Variants in ATXN7L1 observed in about 807,000 individuals in gnomAD.
ATXN7L1 encodes the protein ataxin-7-like protein 1.
Under a neutral mutation model 70.8 loss-of-function variants are expected in ATXN7L1, and 15 were observed. The ratio of observed to expected loss-of-function variants is 0.21; its 90% CI spans 0.14 to 0.33. The LOEUF (loss-of-function observed/expected upper bound fraction) is 0.33, where lower values mean the gene tolerates loss of function less well. ATXN7L1 is among the 10% of genes least tolerant of loss of function. The pLI, the probability that ATXN7L1 is intolerant of heterozygous loss-of-function variation, is 1.00. For synonymous variants in ATXN7L1, 440 were observed against 445.1 expected (o/e 0.99, Z 0.14); for missense variants, 975 against 1,097.1 (o/e 0.89, Z 1.57).
At chr7:105,615,539 C>A (rs1793758280) in intron 9 of ATXN7L1, among the ~76,000 whole-genome samples, 1 of 152,178 alleles carries the variant, frequency 6.6e-6, no homozygotes, top group African/African-American at 2.4e-5. Context: ...TTGCCCATTC[C>A]CAGGACTAGC....
chr7:105,673,447 A>T (rs1418220455), intron 3 of ATXN7L1, among the ~76,000 whole-genome samples: 2 of 152,208 alleles, frequency 1.3e-5, no homozygotes, highest in Admixed American at 1.3e-4. Flanking sequence ...TTGTGTAAGC[A>T]CACTTGGGCT....
intron 3 of ATXN7L1, among the ~76,000 whole-genome samples, chr7:105,673,428 C>G (rs1465123102): frequency 6.6e-6 from 1 of 152,224 alleles, no homozygotes; most frequent in Non-Finnish European, 1.5e-5. Flanking sequence ...CGCTTGTGGC[C>G]TGCCATGGTT....
rs148130628 is a variant in ATXN7L1, at chr7:105,784,449, C to A, written c.355+4155G>T. ...CTGACTGGCTAAACACACACACACA[C>A]ACACACACACTTTTTTCAATTTAAG... On this transcript the variant is annotated intron_variant, in intron 3 of 11. Transcript: ENST00000419735. 7.2e-5 allele frequency among the ~76,000 whole-genome samples: 11 copies of A among 152,108 alleles called. No homozygotes were observed. The East Asian group carries it at 2.1e-3, about 29-fold the overall frequency.
intron 2 of ATXN7L1, among the ~76,000 whole-genome samples, chr7:105,854,732 C>G (rs1374448896): frequency 6.6e-6 from 1 of 152,144 alleles, no homozygotes; most frequent in Non-Finnish European, 1.5e-5. Context: ...AAAGCTGAAG[C>G]CCTCAAAGCT....
Position 105,648,239 on chromosome 7 carries a change from GAGA to G in ATXN7L1, c.579-5121_579-5119del, listed in dbSNP as rs1355120818. On this transcript the variant is annotated intron_variant, in intron 4 of 11. Coordinates refer to ENST00000419735, the MANE Select transcript of ATXN7L1 (RefSeq NM_020725.2). ...TGGAGAAGGGCTTAGAAGAGTGAAG[GAGA>G]AGAACCTAGAGCTGTCCCTGATACT... 4.2e-5 allele frequency among the ~76,000 whole-genome samples: 6 copies of G among 141,380 alleles called. No homozygotes were observed. In the East Asian group the frequency reaches 1.9e-3, roughly 45 times the overall value. 92.8% of individuals were successfully genotyped at this position (141,380 alleles called of 152,430 possible).
At chr7:105,798,515 C>T (rs1806322787) in intron 2 of ATXN7L1, among the ~76,000 whole-genome samples, 1 of 152,206 alleles carries the variant, frequency 6.6e-6, no homozygotes, top group Non-Finnish European at 1.5e-5. Context: ...TGGCAGAGAT[C>T]TCACTGATTG....
chr7:105,689,414 C>T (rs1790440943), intron 3 of ATXN7L1, among the ~76,000 whole-genome samples: 1 of 152,110 alleles, frequency 6.6e-6, no homozygotes, highest in Admixed American at 6.6e-5. Context: ...GAGGGTTTAG[C>T]TCATTCAAAT....
chr7:105,808,698 T>G (rs1807976318), intron 2 of ATXN7L1, among the ~76,000 whole-genome samples: 1 of 152,218 alleles, frequency 6.6e-6, no homozygotes, highest in African/African-American at 2.4e-5. Context: ...AAGAATTAAT[T>G]GGGACAGGAG....
chr7:105,820,764 A>C (rs1810019112), intron 2 of ATXN7L1, among the ~76,000 whole-genome samples: 1 of 152,162 alleles, frequency 6.6e-6, no homozygotes, highest in South Asian at 2.1e-4. Context: ...TGATGAGATC[A>C]TGGGGGTGGA....
chr7:105,758,060 C>G (rs1008309204), intron 3 of ATXN7L1, among the ~76,000 whole-genome samples: 3 of 151,996 alleles, frequency 2.0e-5, no homozygotes, highest in African/African-American at 7.2e-5. Flanking sequence ...TTTTTCCATC[C>G]TTGTCCCTCT....
chr7:105,791,118 C>G (rs565461713), intron 2 of ATXN7L1, among the ~76,000 whole-genome samples: 3 of 152,250 alleles, frequency 2.0e-5, no homozygotes, highest in Non-Finnish European at 1.5e-5. Flanking sequence ...GTGAGGCCCC[C>G]ACTTGCCCTG....
chr7:105,621,453 A>AT (rs1794920384), intron 8 of ATXN7L1, among the ~76,000 whole-genome samples: 1 of 152,230 alleles, frequency 6.6e-6, no homozygotes, highest in Non-Finnish European at 1.5e-5. Context: ...AGGGGAGCCC[A>AT]TCCTCTTCCT....
At chr7:105,642,692 T>C in intron 5 of ATXN7L1, 146 bp downstream of exon 5, 1 of 1,025,748 alleles carries the variant, frequency 9.7e-7, no homozygotes, top group Non-Finnish European at 1.4e-6. Flanking sequence ...CATTTTTAGG[T>C]GGGGTTCCTG....
intron 2 of ATXN7L1, among the ~76,000 whole-genome samples, chr7:105,854,958 CTTTTT>C (rs34345388): frequency 7.7e-6 from 1 of 130,402 alleles, no homozygotes; most frequent in Non-Finnish European, 1.7e-5. Flanking sequence ...TCTTCTTCTT[CTTTTT>C]TTTTTTTTTT....
At chr7:105,825,655 T>A (rs545832145) in intron 2 of ATXN7L1, among the ~76,000 whole-genome samples, 3 of 151,352 alleles carry the variant, frequency 2.0e-5, no homozygotes, top group Non-Finnish European at 4.4e-5. Flanking sequence ...ACTCCTTGGC[T>A]CTGTAAGTGA....
chr7:105,700,791 C>T (rs1309346295), intron 3 of ATXN7L1, among the ~76,000 whole-genome samples: 1 of 152,032 alleles, frequency 6.6e-6, no homozygotes. Context: ...AAGTGATCCT[C>T]CCACCCCAGC....
intron 3 of ATXN7L1, among the ~76,000 whole-genome samples, chr7:105,755,213 A>G (rs1284839227): frequency 7.2e-6 from 1 of 138,282 alleles, no homozygotes; most frequent in Non-Finnish European, 1.5e-5. Context: ...CACTGAATTT[A>G]ACAGGGAAAA....
intron 3 of ATXN7L1, among the ~76,000 whole-genome samples, chr7:105,787,718 T>A (rs1295006831): frequency 6.6e-6 from 1 of 152,194 alleles, no homozygotes; most frequent in Non-Finnish European, 1.5e-5. Context: ...ATATTATAAT[T>A]GCTTTGACTT....
chr7:105,813,520 A>G (rs1808742867), intron 2 of ATXN7L1, among the ~76,000 whole-genome samples: 1 of 151,980 alleles, frequency 6.6e-6, no homozygotes, highest in Non-Finnish European at 1.5e-5. Context: ...TATTTTTAGT[A>G]GAGACGGGGT....
Sources: gnomAD v4.1 joint callset for allele counts (sites outside exome capture counted in the v4.1 genomes callset) on GRCh38, gnomAD v4.1.1 for gene constraint, MANE v1.5 for transcripts, NCBI Gene and HGNC (gene_info 2026-07-23, HGNC 2026-07-21) for gene names.